Variants in SPRY3 observed in about 807,000 individuals in gnomAD.
SPRY3 encodes sprouty RTK signaling antagonist 3.
A neutral mutation model predicts 20.2 loss-of-function variants in SPRY3; 15 were observed. The ratio of observed to expected loss-of-function variants is 0.74; its 90% CI spans 0.50 to 1.14. The LOEUF (loss-of-function observed/expected upper bound fraction) is 1.14, where lower values mean the gene tolerates loss of function less well. SPRY3 is among the 50% of genes most tolerant of loss of function. SPRY3 has a pLI of 0.00. For synonymous variants in SPRY3, 143 were observed against 136.5 expected (o/e 1.05, Z -0.33); for missense variants, 364 against 363.9 (o/e 1.00, Z 0.00).
intron 2 of SPRY3, among the ~76,000 whole-genome samples, chrX:155,713,772 A>G (rs1436929394): frequency 3.5e-5 from 3 of 85,556 alleles, no homozygotes; most frequent in Admixed American, 3.4e-4. Context: ...ATGTCTTTGA[A>G]AAAAACTTCC....
intron 2 of SPRY3, among the ~76,000 whole-genome samples, chrX:155,704,524 G>T (rs2090935433): frequency 6.6e-6 from 1 of 151,642 alleles, no homozygotes; most frequent in African/African-American, 2.4e-5. Context: ...CAAGAGCTGT[G>T]TGACAATATC....
chrX:155,718,522 G>A (rs1487111059), intron 2 of SPRY3, among the ~76,000 whole-genome samples: 1 of 152,036 alleles, frequency 6.6e-6, no homozygotes, highest in African/African-American at 2.4e-5. Flanking sequence ...AATTTAATAT[G>A]CAATAAATAT....
intron 1 of SPRY3, among the ~76,000 whole-genome samples, chrX:155,655,620 C>A (rs2067989944): frequency 9.0e-6 from 1 of 111,597 alleles, no homozygotes; most frequent in Non-Finnish European, 1.9e-5. Flanking sequence ...ACTGACCTTT[C>A]CCCAGTGTGT....
At chrX:155,775,080 C>T (rs753381830) in exon 4 of SPRY3, 205 of 365,466 alleles carry the variant, frequency 5.6e-4, no homozygotes, top group Non-Finnish European at 9.5e-4. Context: ...TAATACCTCT[C>T]GATGCAGGCT....
chrX:155,744,658 A>G (rs1179491105), intron 2 of SPRY3, among the ~76,000 whole-genome samples: 2 of 152,116 alleles, frequency 1.3e-5, no homozygotes, highest in East Asian at 3.9e-4. Flanking sequence ...GTGCAGACCC[A>G]GGACACTAAA....
chrX:155,752,670 A>C (rs1268522925), intron 2 of SPRY3, among the ~76,000 whole-genome samples: 1 of 151,850 alleles, frequency 6.6e-6, no homozygotes, highest in Non-Finnish European at 1.5e-5. Flanking sequence ...AAAGTATTGA[A>C]TCTCACTCAA....
intron 2 of SPRY3, among the ~76,000 whole-genome samples, chrX:155,696,450 ACACAGCAACTTG>A (rs1427039540): frequency 9.0e-6 from 1 of 111,417 alleles, no homozygotes; most frequent in African/African-American, 3.3e-5. Flanking sequence ...AAACAAATAT[ACACAGCAACTTG>A]CTAAATTTTA....
intron 2 of SPRY3, among the ~76,000 whole-genome samples, chrX:155,673,170 T>C (rs1424636375): frequency 1.9e-4 from 20 of 104,507 alleles, no homozygotes; most frequent in African/African-American, 6.6e-4. Flanking sequence ...CATATGTAAC[T>C]AACCTGAACA....
At chrX:155,635,585 T>A (rs1557350931) in intron 1 of SPRY3, among the ~76,000 whole-genome samples, 1 of 111,681 alleles carries the variant, frequency 9.0e-6, no homozygotes, top group Non-Finnish European at 1.9e-5. Context: ...AAAGAAGACA[T>A]TTATGCAGCC....
chrX:155,622,453 G>T (rs1557349534), intron 1 of SPRY3, among the ~76,000 whole-genome samples: 1 of 111,504 alleles, frequency 9.0e-6, no homozygotes, highest in Non-Finnish European at 1.9e-5. Flanking sequence ...CCTCAAGTTT[G>T]CACAGCCAAC....
intron 2 of SPRY3, among the ~76,000 whole-genome samples, chrX:155,685,776 T>G (rs1356164393): frequency 9.0e-6 from 1 of 111,250 alleles, no homozygotes; most frequent in African/African-American, 3.3e-5. Context: ...GTATTCCTTT[T>G]TTTGTTTTTT....
chrX:155,657,490 C>T (rs1442961188), intron 2 of SPRY3, among the ~76,000 whole-genome samples: 3 of 112,347 alleles, frequency 2.7e-5, no homozygotes, highest in African/African-American at 9.7e-5. Context: ...CCAGGTCAAC[C>T]TCAGACTGCT....
exon 2 of SPRY3, chrX:155,782,384 G>A (rs2091468083): frequency 1.2e-5 from 2 of 166,864 alleles, no homozygotes. Context: ...TCCAGAGAGG[G>A]CCACTTCTAC....
At chrX:155,693,190 C>G (rs1488358368) in intron 2 of SPRY3, among the ~76,000 whole-genome samples, 2 of 110,920 alleles carry the variant, frequency 1.8e-5, no homozygotes, top group Non-Finnish European at 3.8e-5. Flanking sequence ...CATTATCATT[C>G]ATCTCAAAAT....
intron 2 of SPRY3, among the ~76,000 whole-genome samples, chrX:155,728,441 C>T (rs1260712017): frequency 6.6e-6 from 1 of 152,200 alleles, no homozygotes; most frequent in South Asian, 2.1e-4. Flanking sequence ...AGGCAGTAGG[C>T]CTTGCTGAGC....
intron 2 of SPRY3, among the ~76,000 whole-genome samples, chrX:155,717,154 CA>C (rs1178558140): frequency 2.3e-3 from 281 of 122,384 alleles, no homozygotes; most frequent in Non-Finnish European, 2.6e-3. Flanking sequence ...GTGAGACTGT[CA>C]AAAAAAAAAA....
At chrX:155,614,002 T>A (rs2067841497) in intron 1 of SPRY3, among the ~76,000 whole-genome samples, 1 of 112,118 alleles carries the variant, frequency 8.9e-6, no homozygotes, top group Non-Finnish European at 1.9e-5. Flanking sequence ...AATAAATATT[T>A]GTTAAAAAAT....
At chrX:155,766,004 A>G (rs893930901) in intron 2 of SPRY3, among the ~76,000 whole-genome samples, 2 of 152,228 alleles carry the variant, frequency 1.3e-5, no homozygotes, top group African/African-American at 4.8e-5. Flanking sequence ...AATGTGCAAT[A>G]AATATTTGTT....
exon 4 of SPRY3, chrX:155,776,503 C>G (rs2091427106): frequency 1.2e-5 from 2 of 167,088 alleles, no homozygotes; most frequent in Non-Finnish European, 1.5e-5. Context: ...TGGGAAAAAG[C>G]TGCAGTGGTG....
Sources: allele counts gnomAD v4.1 joint callset (sites outside exome capture counted in the v4.1 genomes callset), GRCh38; gene constraint gnomAD v4.1.1; transcripts MANE v1.5; gene names NCBI Gene and HGNC (gene_info 2026-07-23, HGNC 2026-07-21).